Variants in PTPRT observed in about 807,000 individuals in gnomAD.
PTPRT encodes receptor-type tyrosine-protein phosphatase T.
PTPRT carries 56 observed loss-of-function variants against 176.8 expected under a neutral mutation model. The observed-to-expected ratio is 0.32, with a 90% confidence interval of 0.26 to 0.40. PTPRT has a LOEUF of 0.40. Among genes scored for constraint, PTPRT ranks in the 10% least tolerant of loss-of-function variants. The pLI, the probability that PTPRT is intolerant of heterozygous loss-of-function variation, is 1.00. For missense variants in PTPRT, 1,540 were observed against 1,908.2 expected (o/e 0.81, Z 3.60); for synonymous variants, 783 against 739.0 (o/e 1.06, Z -0.96).
intron 7 of PTPRT, among the ~76,000 whole-genome samples, chr20:42,628,292 C>T (rs977343612): frequency 6.6e-6 from 1 of 152,126 alleles, no homozygotes; most frequent in Non-Finnish European, 1.5e-5. Flanking sequence ...AGCAGAGAAG[C>T]TTTCAACCAC....
At chr20:42,257,091 C>T (rs1329185604) in intron 13 of PTPRT, among the ~76,000 whole-genome samples, 2 of 152,184 alleles carry the variant, frequency 1.3e-5, no homozygotes, top group African/African-American at 2.4e-5. Flanking sequence ...GGTTGTGACA[C>T]CAAATGGGCC....
intron 6 of PTPRT, among the ~76,000 whole-genome samples, chr20:42,724,459 T>C (rs1452247060): frequency 6.6e-6 from 1 of 152,136 alleles, no homozygotes; most frequent in Non-Finnish European, 1.5e-5. Context: ...CTCAGGGCAT[T>C]TCTTTCTTGT....
At chr20:42,484,095 G>A (rs557033829) in intron 7 of PTPRT, among the ~76,000 whole-genome samples, 17 of 152,260 alleles carry the variant, frequency 1.1e-4, no homozygotes, top group Admixed American at 4.6e-4. Flanking sequence ...GCTCCCCACA[G>A]TTGCCACCTT....
chr20:42,982,693 TC>T (rs1229543691), intron 1 of PTPRT, among the ~76,000 whole-genome samples: 1 of 152,074 alleles, frequency 6.6e-6, no homozygotes, highest in Non-Finnish European at 1.5e-5. Context: ...CCACTCGGCT[TC>T]CCCAGCCAAG....
intron 9 of PTPRT, among the ~76,000 whole-genome samples, chr20:42,386,103 T>C (rs1451187963): frequency 6.6e-6 from 1 of 152,146 alleles, no homozygotes; most frequent in East Asian, 1.9e-4. Context: ...ACACACACGA[T>C]GTTGAAAAGG....
rs1312751137 is a variant in PTPRT, at chr20:42,800,566, T to C, written c.215-9100A>G. 2.0e-5 allele frequency among the ~76,000 whole-genome samples: 3 copies of C among 152,194 alleles called. No homozygotes were observed. In the East Asian group the frequency reaches 5.8e-4, roughly 29 times the overall value. ...CATGGAACTAAAATATATATATTTT[T>C]AAATCTCCAAACTCTTCACACATCC... is the stretch of plus-strand genomic sequence containing the variant. On this transcript the variant is annotated intron_variant, in intron 2 of 30. Coordinates refer to ENST00000373187, the MANE Select transcript of PTPRT (RefSeq NM_007050.6).
intron 1 of PTPRT, among the ~76,000 whole-genome samples, chr20:42,963,093 G>A (rs1040975831): frequency 6.6e-6 from 1 of 152,128 alleles, no homozygotes; most frequent in South Asian, 2.1e-4. Flanking sequence ...CCAGCTACTC[G>A]GGAGGCTGAG....
intron 7 of PTPRT, among the ~76,000 whole-genome samples, chr20:42,526,547 T>A (rs543652796): frequency 6.6e-6 from 1 of 152,336 alleles, no homozygotes; most frequent in East Asian, 1.9e-4. Flanking sequence ...GATAATTGCT[T>A]AATTTTCTTT....
chr20:42,365,768 T>C (rs1451351633), intron 9 of PTPRT, among the ~76,000 whole-genome samples: 1 of 152,216 alleles, frequency 6.6e-6, no homozygotes, highest in Non-Finnish European at 1.5e-5. Context: ...GCCTGTGGGC[T>C]CAGGGTTGGA....
intron 6 of PTPRT, among the ~76,000 whole-genome samples, chr20:42,728,942 C>A (rs1377736950): frequency 1.3e-5 from 2 of 152,012 alleles, no homozygotes. Flanking sequence ...AAAGAGTGAA[C>A]AAAGAACAGG....
chr20:42,782,359 C>T (rs2077227057), intron 3 of PTPRT, among the ~76,000 whole-genome samples: 2 of 152,314 alleles, frequency 1.3e-5, no homozygotes, highest in South Asian at 4.1e-4. Flanking sequence ...CTTTCACCCA[C>T]ACATCCGTCT....
rs2077618022 is a variant in PTPRT at position 42,806,911 on chromosome 20, T to C, written c.215-15445A>G. Among the ~76,000 whole-genome samples, 3 of 152,216 alleles carry C rather than the reference T, an allele frequency of 2.0e-5. No homozygotes were observed. The South Asian group carries it at 6.2e-4, about 32-fold the overall frequency. Reference sequence around the variant, plus strand: ...CTCACTGCCTGGTTCTCTGACACTATGAACAGATGGTGTACATGAAAAACC... The same window carrying C: ...CTCACTGCCTGGTTCTCTGACACTACGAACAGATGGTGTACATGAAAAACC... On this transcript the variant is annotated intron_variant, in intron 2 of 30. Coordinates refer to ENST00000373187, the MANE Select transcript of PTPRT (RefSeq NM_007050.6).
chr20:42,774,538 G>A (rs957065923), intron 4 of PTPRT, among the ~76,000 whole-genome samples: 1 of 152,190 alleles, frequency 6.6e-6, no homozygotes, highest in African/African-American at 2.4e-5. Flanking sequence ...AACTCAACAT[G>A]TTATTAAAAC....
intron 17 of PTPRT, among the ~76,000 whole-genome samples, chr20:42,155,750 C>T (rs527919526): frequency 3.3e-5 from 5 of 152,232 alleles, no homozygotes; most frequent in South Asian, 4.2e-4. Context: ...AGAAAAAGTG[C>T]GTAGGCTTGT....
chr20:42,846,289 A>G (rs2078370359), intron 2 of PTPRT, among the ~76,000 whole-genome samples: 1 of 152,312 alleles, frequency 6.6e-6, no homozygotes, highest in South Asian at 2.1e-4. Flanking sequence ...TGCAGTTACA[A>G]GGCTTATTAA....
At chr20:42,768,639 A>G (rs1303613181) in intron 5 of PTPRT, among the ~76,000 whole-genome samples, 2 of 152,218 alleles carry the variant, frequency 1.3e-5, no homozygotes. Context: ...CGTGTGCAGA[A>G]ATGCGGTTTT....
At chr20:42,766,033 T>C (rs867817515) in intron 5 of PTPRT, among the ~76,000 whole-genome samples, 1 of 152,242 alleles carries the variant, frequency 6.6e-6, no homozygotes, top group Non-Finnish European at 1.5e-5. Context: ...ATCAACTGCC[T>C]AATTATCTTG....
Position 42,078,569 on chromosome 20 carries a change from T to G in PTPRT, c.*2310A>C, listed in dbSNP as rs1298538284. ...AGCCCCATTGGCCCAGAAGGAGTCTTGGCCAACACGAAGCTGAGTGCATCT... is the reference window on the plus strand; with the variant it reads ...AGCCCCATTGGCCCAGAAGGAGTCTGGGCCAACACGAAGCTGAGTGCATCT... On this transcript the variant is annotated 3_prime_UTR_variant, in exon 31 of 31. Transcript: ENST00000373187. 1 of 189,858 alleles carries G rather than the reference T, an allele frequency of 5.3e-6. No homozygotes were observed. 11.8% of individuals were successfully genotyped at this position (189,858 alleles called of 1,614,324 possible).
chr20:42,339,189 C>T (rs919942328), intron 11 of PTPRT, among the ~76,000 whole-genome samples: 3 of 152,210 alleles, frequency 2.0e-5, no homozygotes, highest in Non-Finnish European at 2.9e-5. Context: ...TCAGCCTCAT[C>T]AAACATCCAT....
Sources: gnomAD v4.1 joint callset for allele counts (sites outside exome capture counted in the v4.1 genomes callset) on GRCh38, gnomAD v4.1.1 for gene constraint, MANE v1.5 for transcripts, NCBI Gene and HGNC (gene_info 2026-07-23, HGNC 2026-07-21) for gene names.